MALRD1: variants seen among roughly 807,000 people sequenced by gnomAD.
MALRD1 encodes the protein MAM and LDL receptor class A domain containing 1.
MALRD1 carries 247 observed loss-of-function variants against 242.1 expected under a neutral mutation model. The observed-to-expected ratio is 1.02, with a 90% confidence interval of 0.92 to 1.13. MALRD1 has a LOEUF of 1.13. Ranked by LOEUF, MALRD1 falls within the 50% of genes most tolerant of loss-of-function variation. MALRD1 has a pLI of 0.00. For synonymous variants in MALRD1, 995 were observed against 866.6 expected (o/e 1.15, Z -2.60); for missense variants, 2,989 against 2,533.1 (o/e 1.18, Z -3.86).
chr10:19,411,163 G>A (rs930157414), intron 28 of MALRD1, among the ~76,000 whole-genome samples: 1 of 152,146 alleles, frequency 6.6e-6, no homozygotes, highest in African/African-American at 2.4e-5. Flanking sequence ...AATGATGTGT[G>A]ACCCAATCCT....
Position 19,368,833 on chromosome 10 carries a change from C to T in MALRD1, c.4441+16536C>T, listed in dbSNP as rs368205292. Among the ~76,000 whole-genome samples the T allele has an allele frequency of 3.8e-4, 56 of 147,730 alleles. 3 individuals carry two copies. The South Asian group carries it at 0.012, about 32-fold the overall frequency. ...CTCGTAGACTTCAATTCGCTTTTTC[C>T]TGATAGCTTTTTGCTTGTGCTTTTT... is the stretch of plus-strand genomic sequence containing the variant. On this transcript the variant is annotated intron_variant, in intron 26 of 39. Transcript: ENST00000454679.
At chr10:19,400,639 A>T (rs1312469555) in intron 28 of MALRD1, among the ~76,000 whole-genome samples, 1 of 152,220 alleles carries the variant, frequency 6.6e-6, no homozygotes. Context: ...TTAAAAAGCT[A>T]CTGAAATATT....
intron 36 of MALRD1, among the ~76,000 whole-genome samples, chr10:19,671,634 AAAT>A (rs1179385147): frequency 9.2e-5 from 14 of 152,240 alleles, no homozygotes; most frequent in Admixed American, 2.0e-4. Flanking sequence ...TCAAAAAAAT[AAAT>A]AATAAATAAA....
chr10:19,060,291 C>G (rs1185774171), intron 1 of MALRD1, among the ~76,000 whole-genome samples: 1 of 152,132 alleles, frequency 6.6e-6, no homozygotes, highest in East Asian at 1.9e-4. Flanking sequence ...TCCTCTGTGC[C>G]GGTGTTTCTT....
chr10:19,445,540 A>G (rs1167148321), intron 28 of MALRD1, among the ~76,000 whole-genome samples: 12 of 152,144 alleles, frequency 7.9e-5, no homozygotes, highest in Admixed American at 7.9e-4. Flanking sequence ...AACAGTCAGG[A>G]CCCTCAGCTG....
intron 29 of MALRD1, among the ~76,000 whole-genome samples, chr10:19,483,997 T>G (rs1837133585): frequency 6.6e-6 from 1 of 152,186 alleles, no homozygotes; most frequent in African/African-American, 2.4e-5. Flanking sequence ...CTGAAGGCCA[T>G]TATTCTAAGT....
intron 29 of MALRD1, among the ~76,000 whole-genome samples, chr10:19,472,636 G>A (rs748535423): frequency 6.6e-6 from 1 of 151,838 alleles, no homozygotes; most frequent in Admixed American, 6.6e-5. Context: ...TTGGTAGAAG[G>A]TATGTTACTA....
chr10:19,047,451 A>T (rs1392721079), upstream of MALRD1, among the ~76,000 whole-genome samples: 1 of 152,060 alleles, frequency 6.6e-6, no homozygotes, highest in Non-Finnish European at 1.5e-5. Flanking sequence ...AAAAATAAAG[A>T]GATCTTACTT....
intron 5 of MALRD1, among the ~76,000 whole-genome samples, chr10:19,111,099 A>G (rs918190688): frequency 6.6e-6 from 1 of 152,154 alleles, no homozygotes; most frequent in Admixed American, 6.6e-5. Context: ...CCATTTCCCT[A>G]CTTACCCATG....
chr10:19,531,488 G>T, intron 32 of MALRD1, 137 bp downstream of exon 32: 1 of 863,696 alleles, frequency 1.2e-6, no homozygotes. Context: ...TTCTTTCTGG[G>T]GCAGTGGGAC....
chr10:19,602,271 G>A (rs1398632807), intron 34 of MALRD1, among the ~76,000 whole-genome samples: 1 of 138,444 alleles, frequency 7.2e-6, no homozygotes. Flanking sequence ...ATGTATACAT[G>A]CGCCATGCTG....
rs144365963 is a variant in MALRD1, at chr10:19,597,446, T to G, written c.5944+1989T>G. On this transcript the variant is annotated intron_variant, in intron 34 of 39. Coordinates refer to ENST00000454679, the MANE Select transcript of MALRD1 (RefSeq NM_001142308.3). Reference sequence around the variant, plus strand: ...AAATAAGGCCACGTTAGAAATAGACTGGGGACAAAATTCTAGAGCAAAATT... The same window carrying G: ...AAATAAGGCCACGTTAGAAATAGACGGGGGACAAAATTCTAGAGCAAAATT... 2.6e-3 allele frequency among the ~76,000 whole-genome samples: 396 copies of G among 152,256 alleles called. 7 individuals are homozygous for G. The East Asian group carries it at 0.059, about 23-fold the overall frequency.
intron 28 of MALRD1, among the ~76,000 whole-genome samples, chr10:19,399,329 A>T (rs997089933): frequency 1.3e-5 from 2 of 152,088 alleles, no homozygotes; most frequent in Non-Finnish European, 1.5e-5. Flanking sequence ...TACTCTTCTC[A>T]TTTTTCTAGG....
At chr10:19,719,208 A>G (rs1275752817) in intron 38 of MALRD1, among the ~76,000 whole-genome samples, 2 of 67,830 alleles carry the variant, frequency 2.9e-5, no homozygotes, top group African/African-American at 1.7e-4. Context: ...ATATATATAT[A>G]TATACACATA....
intron 20 of MALRD1, 41 bp downstream of exon 20, chr10:19,280,264 A>G: frequency 1.4e-6 from 2 of 1,395,430 alleles, no homozygotes; most frequent in South Asian, 1.6e-5. Context: ...CTGCTACAAA[A>G]TAGAAAATGC....
intron 21 of MALRD1, among the ~76,000 whole-genome samples, chr10:19,306,075 C>CTATATACTA (rs756196876): frequency 8.9e-5 from 10 of 111,798 alleles, no homozygotes; most frequent in Admixed American, 2.2e-4. Context: ...ACTATATATA[C>CTATATACTA]TATATACTAT....
chr10:19,085,441 A>T (rs917959884), intron 2 of MALRD1, among the ~76,000 whole-genome samples: 1 of 152,004 alleles, frequency 6.6e-6, no homozygotes, highest in Admixed American at 6.6e-5. Flanking sequence ...TTAAACATAG[A>T]AAACAGATAT....
intron 30 of MALRD1, among the ~76,000 whole-genome samples, chr10:19,494,006 G>T (rs1018059133): frequency 2.0e-5 from 3 of 152,122 alleles, no homozygotes; most frequent in Non-Finnish European, 4.4e-5. Context: ...ACTGCAGCCA[G>T]CACTCAGGTG....
At chr10:19,082,649 T>A (rs1029946071) in intron 2 of MALRD1, among the ~76,000 whole-genome samples, 2 of 112,286 alleles carry the variant, frequency 1.8e-5, no homozygotes, top group Admixed American at 1.9e-4. Context: ...TCTTTGCATT[T>A]CTCACTTTAA....
Sources: allele counts gnomAD v4.1 joint callset (sites outside exome capture counted in the v4.1 genomes callset), GRCh38; gene constraint gnomAD v4.1.1; transcripts MANE v1.5; gene names NCBI Gene and HGNC (gene_info 2026-07-23, HGNC 2026-07-21).